Variants in CUL5 observed in about 807,000 individuals in gnomAD.
CUL5 encodes the protein cullin-5.
A neutral mutation model predicts 108.8 loss-of-function variants in CUL5; 26 were observed. That is an observed-to-expected ratio of 0.24 (90% CI 0.18 to 0.33). The LOEUF (loss-of-function observed/expected upper bound fraction) is 0.33. Ranked by LOEUF, CUL5 falls within the 10% of genes least tolerant of loss-of-function variation. The probability of loss-of-function intolerance (pLI) is 1.00; values close to 1 mark genes in which losing one functional copy is unlikely to be tolerated. For synonymous variants in CUL5, 334 were observed against 298.0 expected (o/e 1.12, Z -1.25); for missense variants, 524 against 909.2 (o/e 0.58, Z 5.45).
chr11:108,090,962 TTATAAG>T (rs1180084582), intron 13 of CUL5, among the ~76,000 whole-genome samples: 1 of 152,218 alleles, frequency 6.6e-6, no homozygotes, highest in Non-Finnish European at 1.5e-5. Context: ...TTACTGTCAC[TTATAAG>T]TATATAGGAA....
At position 108,091,695 on chromosome 11, in the gene CUL5, T is replaced by TCACACACACACACACACACACA. The variant is rs71303233; in HGVS notation, c.1443+2088_1443+2109dup. On this transcript the variant is annotated intron_variant, in intron 13 of 18. Coordinates refer to ENST00000393094, the MANE Select transcript of CUL5 (RefSeq NM_003478.6). Reference sequence around the variant, plus strand: ...CAGAGTCAGATCCTGTCTCTCTCACTCACACACACACACACACACACACAC... The same window carrying TCACACACACACACACACACACA: ...CAGAGTCAGATCCTGTCTCTCTCACTCACACACACACACACACACACACACACACACACACACACACACACAC... Among the ~76,000 whole-genome samples the TCACACACACACACACACACACA allele has an allele frequency of 7.6e-4, 105 of 138,178 alleles. 1 individual carries two copies. The highest frequency in any genetic ancestry group is 2.5e-3 in the African/African-American group (89 of 36,112). 90.7% of individuals were successfully genotyped at this position (138,178 alleles called of 152,430 possible).
In CUL5 at chr11:108,070,116, T is replaced by G. The variant is rs1044706753; in HGVS notation, c.801T>G (p.Asn267Lys). The change falls in exon 8 of 19, where the codon AAT becomes AAG. Residue 267 changes from asparagine to lysine, a missense_variant. Around this residue, in one of 8 missense-constraint regions of CUL5, gnomAD observed 170 missense variants for 305.1 expected, o/e 0.56. Coordinates refer to ENST00000393094, the MANE Select transcript of CUL5 (RefSeq NM_003478.6). ...TTCAGCTCATGGAATGCTGTGTAAATGCCCTGGTGACATCATTTAAAGAGA... is the reference window on the plus strand; with the variant it reads ...TTCAGCTCATGGAATGCTGTGTAAAGGCCCTGGTGACATCATTTAAAGAGA... ...SVEALMECCVNALVTSFKETI... is the reference protein window; with the variant it reads ...SVEALMECCVKALVTSFKETI... 1 of 1,610,360 alleles carries G rather than the reference T, an allele frequency of 6.2e-7. No homozygotes were observed. The highest frequency in any genetic ancestry group is 8.5e-7 in the Non-Finnish European group (1 of 1,177,580).
At position 108,072,428 on chromosome 11, in the gene CUL5, C is replaced by A. The variant is rs1436995618; in HGVS notation, c.971C>A (p.Ala324Glu). Reference sequence around the variant, plus strand: ...GAACATATCATTAGTGCTGGCCTGGCAGATATGGTAGCAGCTGCTGAAACT... The same window carrying A: ...GAACATATCATTAGTGCTGGCCTGGAAGATATGGTAGCAGCTGCTGAAACT... ...LEEHIISAGL[A>E]DMVAAAETIT... The change falls in exon 9 of 19, where the codon GCA (alanine) becomes GAA (glutamate). Residue 324 changes from alanine (A) to glutamate (E), a missense_variant. By Grantham distance (107) the Ala-to-Glu change is moderately radical. Transcript: ENST00000393094. 1 of 1,610,744 alleles carries A rather than the reference C, an allele frequency of 6.2e-7. No homozygotes were observed. Among genetic ancestry groups the A allele is most frequent in the Non-Finnish European group, 8.5e-7 (1 of 1,178,140 alleles).
rs534785444 is a variant in CUL5, at chr11:108,009,470, G to A, written c.24+98G>A. On this transcript the variant is annotated intron_variant, in intron 1 of 18. Transcript: ENST00000393094. ...AGGTTCAGCTGCGAAGTGTGGGAGT[G>A]TTCAGGGGTTGTCCACTGGCAGGGA... The A allele has an allele frequency of 8.9e-5, 120 of 1,341,352 alleles. 1 individual carries two copies. The East Asian group carries it at 2.6e-3, about 30-fold the overall frequency. 83.1% of individuals were successfully genotyped at this position (1,341,352 alleles called of 1,614,324 possible). A position where few individuals can be genotyped will look rare whatever the true frequency, so the allele number is the denominator to read the frequency against.
At chr11:108,098,754 A>G (rs968353401) in intron 18 of CUL5, among the ~76,000 whole-genome samples, 3 of 151,978 alleles carry the variant, frequency 2.0e-5, no homozygotes, top group Admixed American at 2.0e-4. Context: ...TTTCCATTCC[A>G]GTTGAAATAT....
chr11:108,025,271 GCTT>G (rs1273963679), intron 1 of CUL5, among the ~76,000 whole-genome samples: 1 of 151,992 alleles, frequency 6.6e-6, no homozygotes, highest in East Asian at 1.9e-4. Flanking sequence ...TTCTGGGTCA[GCTT>G]CTTTTGGTGA....
At chr11:108,010,709 C>G (rs1181505030) in intron 1 of CUL5, among the ~76,000 whole-genome samples, 1 of 152,194 alleles carries the variant, frequency 6.6e-6, no homozygotes, top group African/African-American at 2.4e-5. Context: ...CCCCCTCTTT[C>G]TTTAAGAAAA....
At chr11:108,046,496 TAAATA>T in intron 3 of CUL5, 127 bp downstream of exon 3, 1 of 565,368 alleles carries the variant, frequency 1.8e-6, no homozygotes, top group Non-Finnish European at 3.1e-6. Context: ...ACACATTTGT[TAAATA>T]AATTTATTAA....
At chr11:108,093,598 G>A (rs1217163990) in intron 13 of CUL5, among the ~76,000 whole-genome samples, 1 of 152,170 alleles carries the variant, frequency 6.6e-6, no homozygotes, top group Non-Finnish European at 1.5e-5. Context: ...AAGTAGTCAT[G>A]TGGGTTTATT....
At chr11:108,019,203 T>TGGGGGG (rs1862272525) in intron 1 of CUL5, among the ~76,000 whole-genome samples, 4 of 4,740 alleles carry the variant, frequency 8.4e-4, no homozygotes, top group African/African-American at 3.5e-3. Context: ...TGGGTGGGGG[T>TGGGGGG]GGGGGTGGGG....
At chr11:108,102,643 T>G (rs1388784513) in intron 18 of CUL5, among the ~76,000 whole-genome samples, 1 of 152,142 alleles carries the variant, frequency 6.6e-6, no homozygotes, top group African/African-American at 2.4e-5. Context: ...TTATCATATC[T>G]ATATAGGGGA....
chr11:108,032,596 TCTCTC>T (rs1565237666), intron 1 of CUL5, among the ~76,000 whole-genome samples: 1 of 152,146 alleles, frequency 6.6e-6, no homozygotes, highest in Admixed American at 6.5e-5. Context: ...TCTCTCTCTC[TCTCTC>T]TGTTTTTGGC....
intron 4 of CUL5, 118 bp from the exon 5 acceptor site, chr11:108,052,542 G>A (rs1323949707): frequency 5.8e-6 from 5 of 865,206 alleles, no homozygotes; most frequent in East Asian, 2.7e-5. Flanking sequence ...GACTACAGGC[G>A]TGAGCCACTG....
chr11:108,024,364 A>AGT (rs1862405184), intron 1 of CUL5, among the ~76,000 whole-genome samples: 1 of 152,236 alleles, frequency 6.6e-6, no homozygotes, highest in South Asian at 2.1e-4. Flanking sequence ...TTGAACATGC[A>AGT]GTGAGCTATG....
intron 1 of CUL5, among the ~76,000 whole-genome samples, chr11:108,029,049 T>G (rs746997182): frequency 1.3e-5 from 2 of 152,212 alleles, no homozygotes; most frequent in Non-Finnish European, 2.9e-5. Flanking sequence ...TGTTTCTATC[T>G]TATGTTCTTT....
chr11:108,054,933 G>A lies in CUL5; in HGVS notation c.758G>A (p.Arg253Gln), dbSNP rs183961591. ...KRALRYLETR[R>Q]ECNSVEALME... is the part of the protein sequence containing the mutation. ...GCACTACGTTATTTAGAAACAAGAC[G>A]AGAATGTAACTCCGTTGAAGCAGTA... is the stretch of plus-strand genomic sequence containing the variant. Residue 253 changes from arginine to glutamine, a missense_variant, in exon 7 of 19, where the codon CGA (arginine) becomes CAA (glutamine). Coordinates refer to ENST00000393094, the MANE Select transcript of CUL5 (RefSeq NM_003478.6). 17 of 1,607,726 alleles carry A rather than the reference G, an allele frequency of 1.1e-5. No homozygotes were observed. The highest frequency in any genetic ancestry group is 3.4e-5 in the Admixed American group (2 of 58,276).
In CUL5 at chr11:108,033,828, C is replaced by A; in HGVS notation, c.51C>A (p.Asp17Glu). The A allele has an allele frequency of 6.2e-7, 1 of 1,606,774 alleles. No homozygotes were observed. The highest frequency in any genetic ancestry group is 8.5e-7 in the Non-Finnish European group (1 of 1,174,776). Reference sequence around the variant, plus strand: ...ATAAAGGTTCTCTTCAGTTTGAAGACAAATGGGATTTTATGCGCCCGATTG... The same window carrying A: ...ATAAAGGTTCTCTTCAGTTTGAAGAAAAATGGGATTTTATGCGCCCGATTG... ...LKNKGSLQFEDKWDFMRPIVL... is the reference protein window; with the variant it reads ...LKNKGSLQFEEKWDFMRPIVL... The change falls in exon 2 of 19, where the codon GAC becomes GAA. Residue 17 changes from aspartate to glutamate, a missense_variant. Physicochemically the swap from Asp to Glu is conservative, Grantham distance 45. Coordinates refer to ENST00000393094, the MANE Select transcript of CUL5 (RefSeq NM_003478.6).
intron 4 of CUL5, among the ~76,000 whole-genome samples, chr11:108,050,744 T>G (rs1863196204): frequency 3.3e-5 from 5 of 152,232 alleles, no homozygotes; most frequent in Admixed American, 2.6e-4. Context: ...TTCTGATATC[T>G]TTATGTTTAA....
intron 2 of CUL5, among the ~76,000 whole-genome samples, chr11:108,043,927 G>A (rs1455711811): frequency 6.6e-6 from 1 of 152,186 alleles, no homozygotes; most frequent in Non-Finnish European, 1.5e-5. Flanking sequence ...GGAGGCTGAG[G>A]CAGGAGAATC....
Sources: allele counts gnomAD v4.1 joint callset (sites outside exome capture counted in the v4.1 genomes callset), GRCh38; gene constraint gnomAD v4.1.1; regional missense constraint gnomAD v4.1.1; transcripts MANE v1.5; gene names NCBI Gene and HGNC (gene_info 2026-07-23, HGNC 2026-07-21).